CSGALNACT1: variants seen among roughly 807,000 people sequenced by gnomAD.
The protein encoded by CSGALNACT1 is chondroitin sulfate N-acetylgalactosaminyltransferase 1.
In CSGALNACT1, 52 loss-of-function variants were observed where a neutral mutation model predicts 51.0. The ratio of observed to expected loss-of-function variants is 1.02; its 90% CI spans 0.82 to 1.29. The LOEUF is 1.29. Among genes scored for constraint, CSGALNACT1 ranks in the 50% most tolerant of loss-of-function variants. CSGALNACT1 has a pLI of 0.00. For synonymous variants in CSGALNACT1, 341 were observed against 254.4 expected (o/e 1.34, Z -3.24); for missense variants, 935 against 679.2 (o/e 1.38, Z -4.19).
At chr8:19,517,099 C>T (rs1051329236) in intron 3 of CSGALNACT1, among the ~76,000 whole-genome samples, 3 of 152,108 alleles carry the variant, frequency 2.0e-5, no homozygotes, top group South Asian at 2.1e-4. Context: ...TAAAAAGCAT[C>T]ACGGCAAGTA....
intron 1 of CSGALNACT1, among the ~76,000 whole-genome samples, chr8:19,651,327 C>A (rs1193494992): frequency 2.0e-5 from 3 of 151,984 alleles, no homozygotes; most frequent in Non-Finnish European, 4.4e-5. Flanking sequence ...GGGTAAACAG[C>A]CTGTTGCAGA....
At chr8:19,746,416 A>G (rs529513235) in intron 1 of CSGALNACT1, among the ~76,000 whole-genome samples, 1 of 152,298 alleles carries the variant, frequency 6.6e-6, no homozygotes, top group East Asian at 1.9e-4. Flanking sequence ...ATGATGTTGC[A>G]GAGCCCATCA....
intron 1 of CSGALNACT1, among the ~76,000 whole-genome samples, chr8:19,630,039 A>T (rs2055002363): frequency 6.6e-6 from 1 of 152,090 alleles, no homozygotes; most frequent in African/African-American, 2.4e-5. Flanking sequence ...AGCCCCATGG[A>T]TGCTATGGCA....
At position 19,406,080 on chromosome 8, in the gene CSGALNACT1, A is replaced by G; in HGVS notation, c.1310-11T>C. The G allele has an allele frequency of 6.2e-7, 1 of 1,614,106 alleles. No individual in the cohort carries two copies. Among genetic ancestry groups the G allele is most frequent in the South Asian group, 1.1e-5 (1 of 91,072 alleles). On this transcript the variant is annotated splice_polypyrimidine_tract_variant and intron_variant, in intron 9 of 9. Coordinates refer to ENST00000454498, the Ensembl canonical transcript of CSGALNACT1. ...CCAGATCAAACCCACCTGTCGGGAC[A>G]GAACACACTGTTGAATCACACTGCA...
At chr8:19,606,896 CT>C (rs1179010531), upstream of CSGALNACT1, among the ~76,000 whole-genome samples, 1 of 152,146 alleles carries the variant, frequency 6.6e-6, no homozygotes, top group East Asian at 1.9e-4. Context: ...TGGCTCACAC[CT>C]GTAATCCCAG....
At chr8:19,648,850 C>A (rs1023539098) in intron 1 of CSGALNACT1, among the ~76,000 whole-genome samples, 6 of 152,092 alleles carry the variant, frequency 3.9e-5, no homozygotes, top group Non-Finnish European at 7.4e-5. Context: ...TGTCCATTAA[C>A]AGAGAAGTGG....
intron 1 of CSGALNACT1, among the ~76,000 whole-genome samples, chr8:19,677,372 A>G (rs948771212): frequency 6.6e-6 from 1 of 152,208 alleles, no homozygotes; most frequent in Non-Finnish European, 1.5e-5. Flanking sequence ...CGGCCTCCCA[A>G]AGTGCTGGGA....
intron 3 of CSGALNACT1, among the ~76,000 whole-genome samples, chr8:19,550,429 T>A (rs1390294383): frequency 6.6e-6 from 1 of 152,240 alleles, no homozygotes; most frequent in Middle Eastern, 3.2e-3. Flanking sequence ...AATTTTTAAT[T>A]TCTGTCATCA....
At chr8:19,744,511 G>A (rs1462069139) in intron 1 of CSGALNACT1, among the ~76,000 whole-genome samples, 4 of 152,116 alleles carry the variant, frequency 2.6e-5, no homozygotes, top group Admixed American at 6.5e-5. Flanking sequence ...TCAAGAACAC[G>A]TAACATGTTG....
intron 3 of CSGALNACT1, among the ~76,000 whole-genome samples, chr8:19,530,083 A>T (rs1158172985): frequency 6.6e-6 from 1 of 152,054 alleles, no homozygotes; most frequent in Non-Finnish European, 1.5e-5. Context: ...TTAGCCAGGC[A>T]TAGTGGTGCG....
chr8:19,673,650 G>A (rs557870120), intron 1 of CSGALNACT1, among the ~76,000 whole-genome samples: 1 of 152,222 alleles, frequency 6.6e-6, no homozygotes, highest in Non-Finnish European at 1.5e-5. Flanking sequence ...GTAAGAGTTA[G>A]AAATGAATTT....
At chr8:19,507,311 A>G in intron 3 of CSGALNACT1, among the ~76,000 whole-genome samples, 1 of 152,134 alleles carries the variant, frequency 6.6e-6, no homozygotes, top group South Asian at 2.1e-4. Context: ...ATAGTTCATA[A>G]GAAATACTCA....
intron 2 of CSGALNACT1, among the ~76,000 whole-genome samples, chr8:19,595,468 C>G (rs552387597): frequency 2.6e-5 from 4 of 152,082 alleles, no homozygotes; most frequent in Non-Finnish European, 5.9e-5. Flanking sequence ...AGGGTAAACA[C>G]TAATATTTCA....
intron 1 of CSGALNACT1, among the ~76,000 whole-genome samples, chr8:19,650,258 A>T (rs1033382554): frequency 2.6e-5 from 4 of 152,218 alleles, no homozygotes; most frequent in African/African-American, 9.7e-5. Flanking sequence ...AAACTATTAA[A>T]ATCTTAGCCC....
chr8:19,646,595 A>T (rs942413114), intron 1 of CSGALNACT1, among the ~76,000 whole-genome samples: 10 of 152,210 alleles, frequency 6.6e-5, no homozygotes, highest in Non-Finnish European at 1.5e-4. Flanking sequence ...ACAGAATACC[A>T]TAGTGGATAA....
chr8:19,603,943 C>T (rs1225626456), upstream of CSGALNACT1, among the ~76,000 whole-genome samples: 1 of 152,224 alleles, frequency 6.6e-6, no homozygotes, highest in Non-Finnish European at 1.5e-5. Flanking sequence ...CTCATCTACA[C>T]ACAGTAACAT....
At chr8:19,524,480 A>T (rs2081296331) in intron 3 of CSGALNACT1, among the ~76,000 whole-genome samples, 1 of 152,030 alleles carries the variant, frequency 6.6e-6, no homozygotes, top group Non-Finnish European at 1.5e-5. Context: ...TAGCTTTCAA[A>T]CCCTTTACAT....
At chr8:19,575,436 C>T (rs1564113506) in intron 3 of CSGALNACT1, among the ~76,000 whole-genome samples, 1 of 152,206 alleles carries the variant, frequency 6.6e-6, no homozygotes, top group Non-Finnish European at 1.5e-5. Context: ...AATCTACCTA[C>T]TAGCTTGCAG....
At chr8:19,454,418 C>A (rs1256830282) in intron 5 of CSGALNACT1, among the ~76,000 whole-genome samples, 2 of 152,226 alleles carry the variant, frequency 1.3e-5, no homozygotes, top group Non-Finnish European at 2.9e-5. Flanking sequence ...CGCCTGTAAT[C>A]CCAGCACTTT....
Sources: gnomAD v4.1 joint callset for allele counts (sites outside exome capture counted in the v4.1 genomes callset) on GRCh38, gnomAD v4.1.1 for gene constraint, MANE v1.5 for transcripts, NCBI Gene and HGNC (gene_info 2026-07-23, HGNC 2026-07-21) for gene names.